Variants in HTR2A observed in about 807,000 individuals in gnomAD.
HTR2A encodes 5-HT2 receptor.
HTR2A carries 14 observed loss-of-function variants against 31.0 expected under a neutral mutation model. That is an observed-to-expected ratio of 0.45 (90% CI 0.30 to 0.71). HTR2A has a LOEUF of 0.71. HTR2A is among the 30% of genes least tolerant of loss of function. HTR2A has a pLI of 0.09. For synonymous variants in HTR2A, 209 were observed against 225.2 expected, an observed-to-expected ratio of 0.93 and a Z score of 0.64; for missense variants, 442 against 573.3, an observed-to-expected ratio of 0.77 and a Z score of 2.34.
At position 46,834,736 on chromosome 13, in the gene HTR2A, A is replaced by C. The variant is rs930448030; in HGVS notation, c.*101T>G. 1.1e-6 allele frequency: 1 copy of C among 907,062 alleles called. No individual in the cohort carries two copies. Among genetic ancestry groups the C allele is most frequent in the Non-Finnish European group, 1.7e-6 (1 of 597,176 alleles). 56.2% of individuals were successfully genotyped at this position (907,062 alleles called of 1,614,324 possible). A position where few individuals can be genotyped will look rare whatever the true frequency, so the allele number is the denominator to read the frequency against. On this transcript the variant is annotated 3_prime_UTR_variant, in exon 4 of 4. Coordinates refer to ENST00000542664, the MANE Select transcript of HTR2A (RefSeq NM_000621.5). Reference sequence around the variant, plus strand: ...GCATACAGATATGATCGTTGGTTCCACTAGACTTGTCTAATTTTTTCCAAT... The same window carrying C: ...GCATACAGATATGATCGTTGGTTCCCCTAGACTTGTCTAATTTTTTCCAAT...
chr13:46,876,416 T>A (rs1187862287), intron 3 of HTR2A, among the ~76,000 whole-genome samples: 1 of 136,160 alleles, frequency 7.3e-6, no homozygotes, highest in African/African-American at 2.7e-5. Context: ...TTTTTTTTTT[T>A]TTTTTTTTTT....
intron 3 of HTR2A, among the ~76,000 whole-genome samples, chr13:46,859,579 A>T (rs1950765101): frequency 6.6e-6 from 1 of 151,982 alleles, no homozygotes; most frequent in Non-Finnish European, 1.5e-5. Context: ...GTGCTGTTTC[A>T]TGAGAGAGTT....
intron 3 of HTR2A, among the ~76,000 whole-genome samples, chr13:46,843,606 G>T (rs1773414673): frequency 6.6e-6 from 1 of 152,138 alleles, no homozygotes; most frequent in South Asian, 2.1e-4. Context: ...TCTGAGGGAG[G>T]TATGGTGGCT....
chr13:46,862,052 T>C (rs1163414548), intron 3 of HTR2A, among the ~76,000 whole-genome samples: 1 of 152,234 alleles, frequency 6.6e-6, no homozygotes, highest in African/African-American at 2.4e-5. Context: ...CAGGATCCTG[T>C]TAATTTCTTA....
intron 3 of HTR2A, among the ~76,000 whole-genome samples, chr13:46,846,785 C>T (rs919942441): frequency 3.9e-5 from 6 of 152,158 alleles, no homozygotes; most frequent in African/African-American, 1.4e-4. Context: ...AAATCTGGGA[C>T]TTTTTTCACA....
chr13:46,892,284 C>T, intron 3 of HTR2A, 106 bp downstream of exon 3: 1 of 1,071,384 alleles, frequency 9.3e-7, no homozygotes, highest in South Asian at 1.4e-5. Flanking sequence ...CCACCCAAAA[C>T]AGTAGATTGA....
chr13:46,871,321 T>C (rs1166116184), intron 3 of HTR2A, among the ~76,000 whole-genome samples: 1 of 152,192 alleles, frequency 6.6e-6, no homozygotes, highest in Non-Finnish European at 1.5e-5. Flanking sequence ...AAATCAGTAA[T>C]GAAAATATTG....
intron 3 of HTR2A, among the ~76,000 whole-genome samples, chr13:46,883,207 G>T (rs1036660738): frequency 6.6e-5 from 10 of 151,728 alleles, no homozygotes; most frequent in Admixed American, 2.6e-4. Context: ...TGAAACATCT[G>T]CACTGTCTAG....
chr13:46,863,128 G>T (rs1950792857), intron 3 of HTR2A, among the ~76,000 whole-genome samples: 1 of 152,136 alleles, frequency 6.6e-6, no homozygotes, highest in Non-Finnish European at 1.5e-5. Context: ...GTCAAAATTA[G>T]TCAAATAAGG....
intron 3 of HTR2A, among the ~76,000 whole-genome samples, chr13:46,847,148 A>G (rs1338925768): frequency 1.3e-5 from 2 of 152,240 alleles, no homozygotes; most frequent in Non-Finnish European, 2.9e-5. Flanking sequence ...GCTAGTTGAA[A>G]GAAATATGGC....
Position 46,869,863 on chromosome 13 carries a change from A to G in HTR2A, c.613+22527T>C, listed in dbSNP as rs9567744. Among the ~76,000 whole-genome samples, 13 of 152,294 alleles carry G rather than the reference A, an allele frequency of 8.5e-5. No homozygotes were observed. The East Asian group carries it at 2.3e-3, about 27-fold the overall frequency. On this transcript the variant is annotated intron_variant, in intron 3 of 3. Transcript: ENST00000542664. ...TAAAATATCTGGAACAGATGAATTA[A>G]GAGACAGCAGATTAGAGGTTACCAG...
intron 3 of HTR2A, among the ~76,000 whole-genome samples, chr13:46,861,910 AT>A (rs1950781370): frequency 6.6e-6 from 1 of 152,230 alleles, no homozygotes; most frequent in South Asian, 2.1e-4. Flanking sequence ...ATGCCTCTCT[AT>A]ATGGCAAAAG....
chr13:46,879,491 G>T (rs1950943664), intron 3 of HTR2A, among the ~76,000 whole-genome samples: 1 of 152,180 alleles, frequency 6.6e-6, no homozygotes, highest in Admixed American at 6.5e-5. Context: ...AAATCTTGGG[G>T]AAATTAACAT....
At chr13:46,882,052 G>T (rs1950968965) in intron 3 of HTR2A, among the ~76,000 whole-genome samples, 1 of 151,872 alleles carries the variant, frequency 6.6e-6, no homozygotes, top group Admixed American at 6.6e-5. Flanking sequence ...TAGAATTTGA[G>T]GTTGCTCATA....
chr13:46,855,676 A>G (rs1950730466), intron 3 of HTR2A, among the ~76,000 whole-genome samples: 1 of 152,150 alleles, frequency 6.6e-6, no homozygotes, highest in Non-Finnish European at 1.5e-5. Context: ...GCAGGTGAGG[A>G]CCTTGCTACA....
chr13:46,857,998 C>T (rs995709631), intron 3 of HTR2A, among the ~76,000 whole-genome samples: 2 of 152,106 alleles, frequency 1.3e-5, no homozygotes, highest in Non-Finnish European at 2.9e-5. Flanking sequence ...CTGCAGTAAG[C>T]AAGGTGGGAA....
At chr13:46,875,489 A>G (rs551922383) in intron 3 of HTR2A, among the ~76,000 whole-genome samples, 1 of 152,288 alleles carries the variant, frequency 6.6e-6, no homozygotes, top group African/African-American at 2.4e-5. Flanking sequence ...GTTATTAATA[A>G]TTAAAATTAA....
At chr13:46,850,539 A>T (rs144697942) in intron 3 of HTR2A, among the ~76,000 whole-genome samples, 1 of 152,174 alleles carries the variant, frequency 6.6e-6, no homozygotes, top group African/African-American at 2.4e-5. Context: ...TTTCGCCATC[A>T]GGTATGCAGG....
chr13:46,882,239 AG>A (rs1950971910), intron 3 of HTR2A, among the ~76,000 whole-genome samples: 1 of 151,160 alleles, frequency 6.6e-6, no homozygotes, highest in Non-Finnish European at 1.5e-5. Context: ...TAAAAAAAAA[AG>A]AGAAAGTACT....
Sources: gnomAD v4.1 joint callset for allele counts (sites outside exome capture counted in the v4.1 genomes callset) on GRCh38, gnomAD v4.1.1 for gene constraint, MANE v1.5 for transcripts, NCBI Gene and HGNC (gene_info 2026-07-23, HGNC 2026-07-21) for gene names.